IMMP2L: variants seen among roughly 807,000 people sequenced by gnomAD.
The protein encoded by IMMP2L is inner mitochondrial membrane peptidase subunit 2.
Under a neutral mutation model 19.3 loss-of-function variants are expected in IMMP2L, and 18 were observed. The observed-to-expected ratio is 0.93, with a 90% CI of 0.64 to 1.38. The LOEUF is 1.38. Among genes scored for constraint, IMMP2L ranks in the 40% most tolerant of loss-of-function variants. The probability of loss-of-function intolerance (pLI) is 0.00; values close to 1 mark genes in which losing one functional copy is unlikely to be tolerated. For missense variants in IMMP2L, 233 were observed against 218.2 expected (o/e 1.07, Z -0.43); for synonymous variants, 76 against 73.0 (o/e 1.04, Z -0.21).
intron 3 of IMMP2L, among the ~76,000 whole-genome samples, chr7:111,250,095 G>A (rs188416524): frequency 8.0e-4 from 122 of 152,072 alleles, no homozygotes; most frequent in African/African-American, 2.6e-3. Context: ...AATCGCTAAC[G>A]TTCCTATACA....
At chr7:111,281,939 C>A (rs1468450815) in intron 3 of IMMP2L, among the ~76,000 whole-genome samples, 2 of 152,108 alleles carry the variant, frequency 1.3e-5, no homozygotes, top group Admixed American at 1.3e-4. Context: ...ATAAATGTAG[C>A]ATAATTGTTG....
At chr7:110,848,748 C>G (rs948309180) in intron 5 of IMMP2L, among the ~76,000 whole-genome samples, 2 of 152,054 alleles carry the variant, frequency 1.3e-5, no homozygotes, top group African/African-American at 4.8e-5. Context: ...AACTATCAAA[C>G]TATCAAAAGA....
At chr7:110,663,971 G>C (rs1255022580) in intron 5 of IMMP2L, among the ~76,000 whole-genome samples, 6 of 152,106 alleles carry the variant, frequency 3.9e-5, no homozygotes, top group Admixed American at 3.9e-4. Context: ...ATTTGAAGTA[G>C]GTTCTGTTAG....
At chr7:110,669,965 G>T (rs1048440783) in intron 5 of IMMP2L, among the ~76,000 whole-genome samples, 1 of 152,128 alleles carries the variant, frequency 6.6e-6, no homozygotes, top group Non-Finnish European at 1.5e-5. Context: ...TGAAAAAATA[G>T]ACTCATCAAT....
rs893005530 is a variant in IMMP2L, at chr7:110,775,651, G to A, written c.408+110942C>T. On this transcript the variant is annotated intron_variant, in intron 5 of 5. Coordinates refer to ENST00000405709, the MANE Select transcript of IMMP2L (RefSeq NM_032549.4). ...AAAATACTTTTCATCTTCAAGTTTC[G>A]TTCTTTCATAATTGAAAGCTCTGAA... Among the ~76,000 whole-genome samples the A allele has an allele frequency of 2.6e-5, 4 of 151,816 alleles. No homozygotes were observed. In the East Asian group the frequency reaches 5.8e-4, roughly 22 times the overall value.
chr7:111,354,732 A>G lies in IMMP2L; in HGVS notation c.239+132506T>C, dbSNP rs1828525835. Among the ~76,000 whole-genome samples the G allele has an allele frequency of 2.0e-5, 3 of 151,856 alleles. No homozygotes were observed. In the South Asian group the frequency reaches 6.2e-4, roughly 31 times the overall value. Reference sequence around the variant, plus strand: ...TAATGGCCTTCTTATACACAGAAATAAGCAACTGGAAGACTTATTGGAAAG... The same window carrying G: ...TAATGGCCTTCTTATACACAGAAATGAGCAACTGGAAGACTTATTGGAAAG... On this transcript the variant is annotated intron_variant, in intron 3 of 5. Transcript: ENST00000405709.
chr7:111,403,263 A>ACT (rs368442127), intron 3 of IMMP2L, among the ~76,000 whole-genome samples: 11 of 145,530 alleles, frequency 7.6e-5, no homozygotes, highest in East Asian at 2.0e-4. Flanking sequence ...CTCCCCCCTC[A>ACT]CTCTCTCTCT....
intron 5 of IMMP2L, among the ~76,000 whole-genome samples, chr7:110,876,071 CATTT>C (rs1361538126): frequency 1.3e-5 from 2 of 152,026 alleles, no homozygotes; most frequent in Non-Finnish European, 2.9e-5. Flanking sequence ...TTAATTAAAA[CATTT>C]ATTTACAACT....
intron 3 of IMMP2L, among the ~76,000 whole-genome samples, chr7:111,463,775 T>C (rs1585206610): frequency 6.6e-6 from 1 of 152,192 alleles, no homozygotes; most frequent in Non-Finnish European, 1.5e-5. Flanking sequence ...TATAATGAAG[T>C]CCATTCATTA....
Position 111,422,793 on chromosome 7 carries a change from G to C in IMMP2L, c.239+64445C>G, listed in dbSNP as rs901359569. On this transcript the variant is annotated intron_variant, in intron 3 of 5. Coordinates refer to ENST00000405709, the MANE Select transcript of IMMP2L (RefSeq NM_032549.4). ...GTGAGAGAGGGCATCCTTGTCTTGT[G>C]TCGGTTTTCAAAGGGAATGCTTCCA... Among the ~76,000 whole-genome samples, 8 of 151,818 alleles carry C rather than the reference G, an allele frequency of 5.3e-5. 1 individual carries two copies. The highest frequency in any genetic ancestry group is 8.8e-5 in the Non-Finnish European group (6 of 68,028).
chr7:111,013,821 C>T (rs1825219457), intron 3 of IMMP2L, among the ~76,000 whole-genome samples: 3 of 151,792 alleles, frequency 2.0e-5, no homozygotes, highest in South Asian at 4.2e-4. Flanking sequence ...AAGTAGACTG[C>T]TTATTTTTTT....
chr7:110,669,446 T>C lies in IMMP2L; in HGVS notation c.409-5725A>G, dbSNP rs571736214. 1.3e-3 allele frequency among the ~76,000 whole-genome samples: 205 copies of C among 152,196 alleles called. 1 individual carries two copies. The highest frequency in any genetic ancestry group is 2.7e-3 in the Non-Finnish European group (183 of 68,008). On this transcript the variant is annotated intron_variant, in intron 5 of 5. Transcript: ENST00000405709. ...GAAAGTCGATCAATTTAAATGTAAATCTCATTCAAAAGCACACTCAAAGAA... is the reference window on the plus strand; with the variant it reads ...GAAAGTCGATCAATTTAAATGTAAACCTCATTCAAAAGCACACTCAAAGAA...
chr7:111,384,802 T>C (rs1048882872), intron 3 of IMMP2L, among the ~76,000 whole-genome samples: 2 of 152,194 alleles, frequency 1.3e-5, no homozygotes, highest in Non-Finnish European at 2.9e-5. Context: ...ACATACTTTT[T>C]ACATATTTAC....
intron 3 of IMMP2L, among the ~76,000 whole-genome samples, chr7:111,482,979 T>C (rs978040340): frequency 1.5e-4 from 23 of 152,136 alleles, no homozygotes; most frequent in African/African-American, 5.1e-4. Flanking sequence ...AATGAAAATA[T>C]GGGATCTTGA....
At chr7:111,361,444 A>G (rs994364932) in intron 3 of IMMP2L, among the ~76,000 whole-genome samples, 2 of 152,166 alleles carry the variant, frequency 1.3e-5, no homozygotes, top group Non-Finnish European at 2.9e-5. Flanking sequence ...AGTATATTTT[A>G]GCTAACTCAC....
chr7:111,560,841 C>A (rs2133204691), intron 1 of IMMP2L, among the ~76,000 whole-genome samples: 1 of 152,282 alleles, frequency 6.6e-6, no homozygotes, highest in South Asian at 2.1e-4. Context: ...TTCCTGTTTT[C>A]CATAAATTAT....
chr7:111,194,318 G>A lies in IMMP2L; in HGVS notation c.240-230753C>T, dbSNP rs532163863. ...GTACTCTTTTAATAGTGGAGTAGAT[G>A]TTTACTTAATATTCAATCTACCTAT... On this transcript the variant is annotated intron_variant, in intron 3 of 5. Transcript: ENST00000405709. Among the ~76,000 whole-genome samples, 59 of 152,214 alleles carry A rather than the reference G, an allele frequency of 3.9e-4. 1 individual carries two copies. Among genetic ancestry groups the A allele is most frequent in the African/African-American group, 1.3e-3 (55 of 41,538 alleles).
At chr7:111,485,284 T>C (rs937839778) in intron 3 of IMMP2L, among the ~76,000 whole-genome samples, 3 of 152,128 alleles carry the variant, frequency 2.0e-5, no homozygotes, top group African/African-American at 4.8e-5. Context: ...GACAAAGATA[T>C]AGCACATAAC....
intron 3 of IMMP2L, among the ~76,000 whole-genome samples, chr7:111,100,780 T>C (rs1797888200): frequency 6.6e-6 from 1 of 151,462 alleles, no homozygotes; most frequent in African/African-American, 2.4e-5. Context: ...TTTATGAACA[T>C]CTAAGATCTT....
Sources: gnomAD v4.1 joint callset for allele counts (sites outside exome capture counted in the v4.1 genomes callset) on GRCh38, gnomAD v4.1.1 for gene constraint, MANE v1.5 for transcripts, NCBI Gene and HGNC (gene_info 2026-07-23, HGNC 2026-07-21) for gene names.